Variants in DPYD observed in about 807,000 individuals in gnomAD.
DPYD encodes dihydropyrimidine dehydrogenase, also known as dihydropyrimidine dehydrogenase [NADP(+)].
Under a neutral mutation model 116.2 loss-of-function variants are expected in DPYD, and 109 were observed. The observed-to-expected ratio is 0.94, with a 90% confidence interval of 0.80 to 1.10. The LOEUF (loss-of-function observed/expected upper bound fraction) is 1.10. DPYD is among the 50% of genes least tolerant of loss of function. The pLI is 0.00. For synonymous variants in DPYD, 440 were observed against 432.0 expected (o/e 1.02, Z -0.23); for missense variants, 1,302 against 1,254.5 (o/e 1.04, Z -0.57).
intron 1 of DPYD, among the ~76,000 whole-genome samples, chr1:97,911,586 GA>G (rs929322039): frequency 4.8e-5 from 7 of 147,304 alleles, no homozygotes; most frequent in South Asian, 2.1e-4. Flanking sequence ...GTACCAGGAA[GA>G]AAAAAAAAAG....
intron 12 of DPYD, among the ~76,000 whole-genome samples, chr1:97,525,982 T>A (rs1238555232): frequency 1.5e-5 from 2 of 134,520 alleles, no homozygotes; most frequent in East Asian, 2.8e-4. Context: ...ATTAAGAGTG[T>A]GTGTGTGTGT....
chr1:97,487,505 C>G lies in DPYD; in HGVS notation c.1740+28221G>C, dbSNP rs552966304. 2.4e-3 allele frequency among the ~76,000 whole-genome samples: 365 copies of G among 152,156 alleles called. 2 individuals carry two copies. Among genetic ancestry groups the G allele is most frequent in the Admixed American group, 0.023 (350 of 15,284 alleles). On this transcript the variant is annotated intron_variant, in intron 13 of 22. Transcript: ENST00000370192. ...TGGCTAACACGGTGAAACCCCATCT[C>G]TACTAAAAATACAAAAAATTAGCCG...
intron 14 of DPYD, among the ~76,000 whole-genome samples, chr1:97,426,908 A>C (rs1373505354): frequency 6.6e-6 from 1 of 152,100 alleles, no homozygotes; most frequent in Admixed American, 6.6e-5. Flanking sequence ...CATGATTTTT[A>C]TAATGTCTTT....
intron 3 of DPYD, among the ~76,000 whole-genome samples, chr1:97,789,961 A>G (rs1035226020): frequency 6.6e-6 from 1 of 152,206 alleles, no homozygotes; most frequent in African/African-American, 2.4e-5. Context: ...GAAGCCCTTC[A>G]AGATTGCAAG....
intron 8 of DPYD, among the ~76,000 whole-genome samples, chr1:97,631,590 C>T (rs1393360095): frequency 3.4e-4 from 51 of 151,866 alleles, no homozygotes; most frequent in Admixed American, 3.4e-3. Flanking sequence ...AGAAAAAGTG[C>T]TTCAAAGGAA....
intron 11 of DPYD, among the ~76,000 whole-genome samples, chr1:97,561,591 C>G (rs1191831932): frequency 1.3e-5 from 2 of 152,144 alleles, no homozygotes; most frequent in African/African-American, 4.8e-5. Flanking sequence ...TACATGGTCC[C>G]TATATGTGTG....
intron 13 of DPYD, among the ~76,000 whole-genome samples, chr1:97,486,500 T>C (rs1423124825): frequency 1.3e-5 from 2 of 152,134 alleles, no homozygotes; most frequent in Non-Finnish European, 2.9e-5. Context: ...GTAGAGAGTA[T>C]AGAATTTATA....
intron 3 of DPYD, among the ~76,000 whole-genome samples, chr1:97,796,606 A>G (rs894097561): frequency 2.0e-5 from 3 of 152,146 alleles, no homozygotes; most frequent in Non-Finnish European, 4.4e-5. Context: ...AGACTCAGGG[A>G]GAGAGTCTGA....
At position 97,666,715 on chromosome 1, in the gene DPYD, T is replaced by G. The variant is rs528907077; in HGVS notation, c.850+12380A>C. ...TAAGGAGTGAGAAGCAAGGTTGGTT[T>G]CTCACCATGGGGGGTTTCACAAAAA... On this transcript the variant is annotated intron_variant, in intron 8 of 22. Transcript: ENST00000370192. Among the ~76,000 whole-genome samples the G allele has an allele frequency of 4.5e-3, 689 of 152,296 alleles. 5 individuals are homozygous for G. Among genetic ancestry groups the G allele is most frequent in the African/African-American group, 0.016 (662 of 41,568 alleles).
At chr1:97,871,200 C>T (rs1403758964) in intron 2 of DPYD, among the ~76,000 whole-genome samples, 2 of 151,860 alleles carry the variant, frequency 1.3e-5, no homozygotes, top group African/African-American at 2.4e-5. Flanking sequence ...TTATATACTA[C>T]TTATTGACCT....
intron 18 of DPYD, among the ~76,000 whole-genome samples, chr1:97,282,049 C>A (rs760005708): frequency 1.3e-5 from 2 of 152,062 alleles, no homozygotes; most frequent in Non-Finnish European, 2.9e-5. Context: ...TAAGCCAGAG[C>A]AGCTCAGAGT....
intron 19 of DPYD, among the ~76,000 whole-genome samples, chr1:97,202,812 T>G (rs1007373087): frequency 2.0e-5 from 3 of 152,138 alleles, no homozygotes; most frequent in East Asian, 1.9e-4. Flanking sequence ...GAAATAATAA[T>G]AAGAACCATA....
At chr1:97,235,625 AAAAC>A (rs529825219) in intron 18 of DPYD, among the ~76,000 whole-genome samples, 26 of 152,306 alleles carry the variant, frequency 1.7e-4, no homozygotes, top group Non-Finnish European at 3.7e-4. Context: ...CTCTGTCTCA[AAAAC>A]AAACAAACAA....
chr1:97,246,529 G>A (rs1486676248), intron 18 of DPYD, among the ~76,000 whole-genome samples: 3 of 152,136 alleles, frequency 2.0e-5, no homozygotes, highest in Admixed American at 2.0e-4. Flanking sequence ...TCAAACTGTG[G>A]CAGAGTTTGG....
chr1:97,450,556 T>C (rs1676358776), intron 13 of DPYD, among the ~76,000 whole-genome samples: 1 of 152,054 alleles, frequency 6.6e-6, no homozygotes, highest in Non-Finnish European at 1.5e-5. Context: ...ATAGGTAAAA[T>C]GCAAAAGTTT....
At chr1:97,119,563 A>G (rs1652262823) in intron 20 of DPYD, among the ~76,000 whole-genome samples, 1 of 152,108 alleles carries the variant, frequency 6.6e-6, no homozygotes. Context: ...CTCAATATCT[A>G]GAAGGAGGGG....
chr1:97,615,361 A>G (rs953911426), intron 8 of DPYD, among the ~76,000 whole-genome samples: 8 of 152,148 alleles, frequency 5.3e-5, no homozygotes, highest in African/African-American at 1.4e-4. Flanking sequence ...TGAGCTAGAC[A>G]CTATGCTGGG....
At chr1:97,184,122 T>C (rs941169205) in intron 20 of DPYD, among the ~76,000 whole-genome samples, 4 of 152,186 alleles carry the variant, frequency 2.6e-5, no homozygotes, top group Admixed American at 6.6e-5. Flanking sequence ...TTGCATAGTA[T>C]TCCATAGTGT....
At chr1:97,188,221 G>A (rs1570629988) in intron 20 of DPYD, among the ~76,000 whole-genome samples, 2 of 152,098 alleles carry the variant, frequency 1.3e-5, no homozygotes, top group South Asian at 4.2e-4. Context: ...CCTAATGAGA[G>A]CCTTTTAATG....
Sources: gnomAD v4.1 joint callset for allele counts (sites outside exome capture counted in the v4.1 genomes callset) on GRCh38, gnomAD v4.1.1 for gene constraint, MANE v1.5 for transcripts, NCBI Gene and HGNC (gene_info 2026-07-23, HGNC 2026-07-21) for gene names.